NET1: variants seen among roughly 807,000 people sequenced by gnomAD.
The protein encoded by NET1 is neuroepithelial cell-transforming gene 1 protein.
In NET1, 42 loss-of-function variants were observed where a neutral mutation model predicts 61.1. That is an observed-to-expected ratio of 0.69 (90% CI 0.54 to 0.89). The LOEUF is 0.89. Ranked by LOEUF, NET1 falls within the 40% of genes least tolerant of loss-of-function variation. NET1 has a pLI of 0.00. For missense variants in NET1, 654 were observed against 747.3 expected, an observed-to-expected ratio of 0.88 and a Z score of 1.46; for synonymous variants, 254 against 281.8, an observed-to-expected ratio of 0.90 and a Z score of 0.99.
intron 1 of NET1, among the ~76,000 whole-genome samples, chr10:5,413,594 G>T (rs1832037056): frequency 6.6e-6 from 1 of 152,198 alleles, no homozygotes; most frequent in African/African-American, 2.4e-5. Flanking sequence ...AGAAGAGGAC[G>T]TGGCGAGCTA....
At position 5,437,842 on chromosome 10, in the gene NET1, C is replaced by T. The variant is rs575632271; in HGVS notation, c.255+8613C>T. ...TGCATGTAGAACATTCCAGGATAGA[C>T]GGTATGTCAGGCTGCAAAACAAGTC... is the stretch of plus-strand genomic sequence containing the variant. On this transcript the variant is annotated intron_variant, in intron 3 of 11. Coordinates refer to ENST00000355029, the MANE Select transcript of NET1 (RefSeq NM_001047160.3). This position sits in a 1 kb window ranked among gnomAD's most constrained non-coding sequence, Gnocchi z 4.3. 5.2e-4 allele frequency among the ~76,000 whole-genome samples: 79 copies of T among 152,000 alleles called. No individual in the cohort carries two copies. Among genetic ancestry groups the T allele is most frequent in the Non-Finnish European group, 9.4e-4 (64 of 68,004 alleles).
In NET1 at chr10:5,456,698, G is replaced by A; in HGVS notation, c.1495G>A (p.Ala499Thr). The change falls in exon 12 of 12, where the codon GCC (alanine) becomes ACC (threonine). Residue 499 changes from alanine to threonine, a missense_variant. Ala to Thr is a moderately conservative substitution (Grantham distance 58). Transcript: ENST00000355029. This position sits in a 1 kb window ranked among gnomAD's most constrained non-coding sequence, Gnocchi z 7.0. ...KQQWFNCIRA[A>T]IAPFQSAGSP... ...GCAGTGGTTCAACTGTATTCGAGCGGCCATTGCCCCCTTCCAGTCGGCAGG... is the reference window on the plus strand; with the variant it reads ...GCAGTGGTTCAACTGTATTCGAGCGACCATTGCCCCCTTCCAGTCGGCAGG... The A allele has an allele frequency of 4.3e-6, 7 of 1,614,084 alleles. No individual in the cohort carries two copies. Among genetic ancestry groups the A allele is most frequent in the Non-Finnish European group, 5.9e-6 (7 of 1,180,026 alleles).
In NET1 at chr10:5,446,631, C is replaced by T. The variant is rs1832615031; in HGVS notation, c.256-5199C>T. 34 of 1,275,590 alleles carry T rather than the reference C, an allele frequency of 2.7e-5. 1 individual carries two copies. Among genetic ancestry groups the T allele is most frequent in the Non-Finnish European group, 3.3e-5 (33 of 1,007,216 alleles). The allele number at this position is 1,275,590 out of a possible 1,614,324, so 79.0% of individuals were successfully genotyped here. ...CTCAGAAGCCTCTGCTCCACCGCGG[C>T]GAGAGGCATGGGCACGTGGCTGCCG... is the stretch of plus-strand genomic sequence containing the variant. On this transcript the variant is annotated intron_variant, in intron 3 of 11. Coordinates refer to ENST00000355029, the MANE Select transcript of NET1 (RefSeq NM_001047160.3). The surrounding 1 kb of genome is among the most constrained non-coding windows in gnomAD (Gnocchi z 5.0).
In NET1 at chr10:5,446,122, T is replaced by C. The variant is rs7076318; in HGVS notation, c.256-5708T>C. ...GCACCTGCTGTATTTACCCTGCTAG[T>C]CTTAAGAAAAAGTGGGAACTATTTA... On this transcript the variant is annotated intron_variant, in intron 3 of 11. Transcript: ENST00000355029. The surrounding 1 kb of genome is among the most constrained non-coding windows in gnomAD (Gnocchi z 5.0). Among the ~76,000 whole-genome samples the C allele has an allele frequency of 0.27, 41,061 of 152,096 alleles. 5,718 individuals are homozygous for C. The highest frequency in any genetic ancestry group is 0.29 in the Non-Finnish European group (19,415 of 67,974).
At chr10:5,418,782 C>A (rs755311650) in intron 1 of NET1, among the ~76,000 whole-genome samples, 1 of 152,034 alleles carries the variant, frequency 6.6e-6, no homozygotes, top group African/African-American at 2.4e-5. Flanking sequence ...GATTTGAGAT[C>A]TTTTTCTTAA....
chr10:5,435,706 GAATTT>G lies in NET1; in HGVS notation c.255+6482_255+6486del, dbSNP rs988904931. On this transcript the variant is annotated intron_variant, in intron 3 of 11. Transcript: ENST00000355029. The surrounding 1 kb of genome is among the most constrained non-coding windows in gnomAD (Gnocchi z 5.0). ...TTGGACTTTGGATATCTTATATGAA[GAATTT>G]AATTCTGATGTCAATTGAATTTTCA... is the stretch of plus-strand genomic sequence containing the variant. Among the ~76,000 whole-genome samples, 84 of 152,198 alleles carry G rather than the reference GAATTT, an allele frequency of 5.5e-4. No homozygotes were observed. Among genetic ancestry groups the G allele is most frequent in the African/African-American group, 1.9e-3 (78 of 41,542 alleles).
Position 5,446,741 on chromosome 10 carries a change from A to G in NET1, c.256-5089A>G. On this transcript the variant is annotated intron_variant, in intron 3 of 11. Coordinates refer to ENST00000355029, the MANE Select transcript of NET1 (RefSeq NM_001047160.3). This position sits in a 1 kb window ranked among gnomAD's most constrained non-coding sequence, Gnocchi z 5.0. ...CTGACTCGGTGTGGATTGATTGGAA[A>G]GGTTTGAGGGAGTACTTGGGAAGCA... 3.2e-6 allele frequency: 5 copies of G among 1,577,960 alleles called. No homozygotes were observed. The highest frequency in any genetic ancestry group is 1.3e-5 in the African/African-American group (1 of 74,218).
At chr10:5,414,067 A>C (rs1321978660) in intron 1 of NET1, among the ~76,000 whole-genome samples, 1 of 152,200 alleles carries the variant, frequency 6.6e-6, no homozygotes, top group African/African-American at 2.4e-5. Context: ...GGATGATTTC[A>C]GGCAGAGAAG....
In NET1 at chr10:5,435,490, T is replaced by A. The variant is rs911265610; in HGVS notation, c.255+6261T>A. ...TCCGTGCCTGAGATAGATAGATAGA[T>A]AGATAGATAGATAGATAGATAGATA... On this transcript the variant is annotated intron_variant, in intron 3 of 11. Transcript: ENST00000355029. This position sits in a 1 kb window ranked among gnomAD's most constrained non-coding sequence, Gnocchi z 5.0. Among the ~76,000 whole-genome samples, 7 of 6,778 alleles carry A rather than the reference T, an allele frequency of 1.0e-3. No individual in the cohort carries two copies. The highest frequency in any genetic ancestry group is 1.6e-3 in the African/African-American group (7 of 4,370). The allele number at this position is 6,778 out of a possible 152,430, so 4.4% of individuals were successfully genotyped here.
rs1180644291 is a variant in NET1, at chr10:5,436,182, TGTGTTGTGTGTGTG to T, written c.255+6954_255+6967del. ...AAGGAGGTGTGTGTGTGTGTGTGTG[TGTGTTGTGTGTGTG>T]TGTGTGTGTGTGTGTGTGTGTGTGT... On this transcript the variant is annotated intron_variant, in intron 3 of 11. Coordinates refer to ENST00000355029, the MANE Select transcript of NET1 (RefSeq NM_001047160.3). Among the ~76,000 whole-genome samples, 10 of 55,296 alleles carry T rather than the reference TGTGTTGTGTGTGTG, an allele frequency of 1.8e-4. No individual in the cohort carries two copies. In the East Asian group the frequency reaches 3.0e-3, roughly 16 times the overall value. The allele number at this position is 55,296 out of a possible 152,430, so 36.3% of individuals were successfully genotyped here. A position where few individuals can be genotyped will look rare whatever the true frequency, so the allele number is the denominator to read the frequency against.
chr10:5,449,079 A>G lies in NET1; in HGVS notation c.256-2751A>G, dbSNP rs541724682. On this transcript the variant is annotated intron_variant, in intron 3 of 11. Coordinates refer to ENST00000355029, the MANE Select transcript of NET1 (RefSeq NM_001047160.3). The surrounding 1 kb of genome is among the most constrained non-coding windows in gnomAD (Gnocchi z 4.4). ...TCCCAATCTTTTAGGTGGCCTGTGAATGCCTAAACCATGTCACTTTTCCAC... is the reference window on the plus strand; with the variant it reads ...TCCCAATCTTTTAGGTGGCCTGTGAGTGCCTAAACCATGTCACTTTTCCAC... Among the ~76,000 whole-genome samples, 18 of 152,314 alleles carry G rather than the reference A, an allele frequency of 1.2e-4. No homozygotes were observed. Among genetic ancestry groups the G allele is most frequent in the African/African-American group, 3.6e-4 (15 of 41,574 alleles).
rs934758999 is a variant in NET1 at position 5,441,936 on chromosome 10, A to G, written c.256-9894A>G. Reference sequence around the variant, plus strand: ...TTAACTAACCTATTTTTAGTGAGATACAGAGTATATGCTTGTAATCTTGAA... The same window carrying G: ...TTAACTAACCTATTTTTAGTGAGATGCAGAGTATATGCTTGTAATCTTGAA... On this transcript the variant is annotated intron_variant, in intron 3 of 11. Transcript: ENST00000355029. This position sits in a 1 kb window ranked among gnomAD's most constrained non-coding sequence, Gnocchi z 4.6. Among the ~76,000 whole-genome samples the G allele has an allele frequency of 1.1e-4, 17 of 152,202 alleles. No homozygotes were observed. Among genetic ancestry groups the G allele is most frequent in the Admixed American group, 2.0e-4 (3 of 15,284 alleles).
chr10:5,430,114 A>C (rs936985432), intron 3 of NET1, among the ~76,000 whole-genome samples: 7 of 152,178 alleles, frequency 4.6e-5, no homozygotes, highest in African/African-American at 1.7e-4. Context: ...AGCATTTTGC[A>C]AAACAGTTTT....
chr10:5,433,400 G>A (rs1163513216), intron 3 of NET1, among the ~76,000 whole-genome samples: 1 of 152,162 alleles, frequency 6.6e-6, no homozygotes, highest in African/African-American at 2.4e-5. Context: ...AGTTGTGACA[G>A]GAACCATAGG....
rs1383440522 is a variant in NET1 at position 5,453,710 on chromosome 10, A to T, written c.768+150A>T. 11 of 638,760 alleles carry T rather than the reference A, an allele frequency of 1.7e-5. No individual in the cohort carries two copies. In the Admixed American group the frequency reaches 3.2e-4, roughly 19 times the overall value. 39.6% of individuals were successfully genotyped at this position (638,760 alleles called of 1,614,324 possible). The stretch of plus-strand genomic sequence containing the variant: ...TGAACAAATTTACAGTGACATAAGA[A>T]GTTACAGTCTGTTTAAAAAAAAAAA... On this transcript the variant is annotated intron_variant, in intron 8 of 11. Transcript: ENST00000355029. The surrounding 1 kb of genome is among the most constrained non-coding windows in gnomAD (Gnocchi z 4.9).
In NET1 at chr10:5,416,503, CAG is replaced by C. The variant is rs1250664330; in HGVS notation, c.128+3688_128+3689del. Among the ~76,000 whole-genome samples the C allele has an allele frequency of 6.6e-6, 1 of 152,152 alleles. No homozygotes were observed. Among genetic ancestry groups the C allele is most frequent in the East Asian group, 1.9e-4 (1 of 5,190 alleles). On this transcript the variant is annotated intron_variant, in intron 1 of 11. Transcript: ENST00000355029. This position sits in a 1 kb window ranked among gnomAD's most constrained non-coding sequence, Gnocchi z 6.1. Reference sequence around the variant, plus strand: ...TCATTTTCAGGAGTATTGCCCTCTACAGAGAGTTAAGTAGTCTGATCCATGGA... The same window carrying C: ...TCATTTTCAGGAGTATTGCCCTCTACAGAGTTAAGTAGTCTGATCCATGGA...
chr10:5,433,285 T>A (rs893623898), intron 3 of NET1, among the ~76,000 whole-genome samples: 3 of 152,208 alleles, frequency 2.0e-5, no homozygotes, highest in African/African-American at 7.2e-5. Flanking sequence ...AAGCTCATTC[T>A]CTAGTACAGG....
Position 5,451,999 on chromosome 10 carries a change from G to A in NET1, c.363+62G>A. The A allele has an allele frequency of 7.8e-7, 1 of 1,288,758 alleles. No homozygotes were observed. Among genetic ancestry groups the A allele is most frequent in the Non-Finnish European group, 1.1e-6 (1 of 899,330 alleles). 79.8% of individuals were successfully genotyped at this position (1,288,758 alleles called of 1,614,324 possible). On this transcript the variant is annotated intron_variant, in intron 4 of 11. Transcript: ENST00000355029. The surrounding 1 kb of genome is among the most constrained non-coding windows in gnomAD (Gnocchi z 6.1). ...ACTTTATAGAAGCCTGGAATTTGTA[G>A]TTGTCTTTGAGCTGTACAAACAAGT...
In NET1 at chr10:5,441,089, C is replaced by T. The variant is rs986339004; in HGVS notation, c.256-10741C>T. Among the ~76,000 whole-genome samples the T allele has an allele frequency of 6.6e-6, 1 of 152,184 alleles. No individual in the cohort carries two copies. The highest frequency in any genetic ancestry group is 6.5e-5 in the Admixed American group (1 of 15,288). On this transcript the variant is annotated intron_variant, in intron 3 of 11. Coordinates refer to ENST00000355029, the MANE Select transcript of NET1 (RefSeq NM_001047160.3). The surrounding 1 kb of genome is among the most constrained non-coding windows in gnomAD (Gnocchi z 4.6). ...CTAATTAAGCTGTCACTACTGTGGG[C>T]AGTGGGGTAGATCTCTCTGGAACCC... is the stretch of plus-strand genomic sequence containing the variant.
Sources: gnomAD v4.1 joint callset for allele counts (sites outside exome capture counted in the v4.1 genomes callset) on GRCh38, gnomAD v4.1.1 for gene constraint, Gnocchi (gnomAD v3.1) non-coding constraint, MANE v1.5 for transcripts, NCBI Gene and HGNC (gene_info 2026-07-23, HGNC 2026-07-21) for gene names.